The following NALF1 variants were observed in gnomAD, a reference collection of about 807,000 sequenced individuals.
NALF1 encodes the protein NALCN channel auxiliary factor 1.
In NALF1, 3 loss-of-function variants were observed where a neutral mutation model predicts 48.4. The observed-to-expected ratio is 0.06, with a 90% CI of 0.03 to 0.16. The LOEUF is 0.16. NALF1 is among the 10% of genes least tolerant of loss of function. The probability of loss-of-function intolerance (pLI) is 1.00; values close to 1 mark genes in which losing one functional copy is unlikely to be tolerated. For missense variants in NALF1, 526 were observed against 571.5 expected, an observed-to-expected ratio of 0.92 and a Z score of 0.81; for synonymous variants, 262 against 245.7, an observed-to-expected ratio of 1.07 and a Z score of -0.62.
chr13:107,370,925 T>C (rs1006761423), intron 1 of NALF1, among the ~76,000 whole-genome samples: 1 of 152,152 alleles, frequency 6.6e-6, no homozygotes, highest in African/African-American at 2.4e-5. Context: ...TTGCTCATTC[T>C]CAAGAGGACA....
At chr13:107,268,809 T>C (rs569104793) in intron 1 of NALF1, among the ~76,000 whole-genome samples, 1 of 152,326 alleles carries the variant, frequency 6.6e-6, no homozygotes, top group South Asian at 2.1e-4. Context: ...GAATAAAAGT[T>C]TCATTTGCCA....
At chr13:107,445,525 T>C (rs1210315971) in intron 1 of NALF1, among the ~76,000 whole-genome samples, 1 of 152,202 alleles carries the variant, frequency 6.6e-6, no homozygotes, top group African/African-American at 2.4e-5. Context: ...ATTAAAACCA[T>C]GCGTGTACAG....
intron 1 of NALF1, among the ~76,000 whole-genome samples, chr13:107,354,926 C>T (rs903900035): frequency 2.0e-5 from 3 of 152,148 alleles, no homozygotes; most frequent in East Asian, 1.9e-4. Flanking sequence ...AGAATGAGAA[C>T]GTGATCACCC....
At chr13:107,344,052 T>G (rs1882731163) in intron 1 of NALF1, among the ~76,000 whole-genome samples, 1 of 151,998 alleles carries the variant, frequency 6.6e-6, no homozygotes. Flanking sequence ...AATAAGCGAC[T>G]ACAGAACAAC....
chr13:107,637,011 AT>A (rs1178748558), intron 1 of NALF1, among the ~76,000 whole-genome samples: 8 of 151,612 alleles, frequency 5.3e-5, no homozygotes, highest in Non-Finnish European at 1.2e-4. Flanking sequence ...TATCATGTAA[AT>A]ATTATCACTG....
intron 1 of NALF1, among the ~76,000 whole-genome samples, chr13:107,524,758 T>C (rs1424532283): frequency 6.6e-6 from 1 of 152,104 alleles, no homozygotes; most frequent in East Asian, 1.9e-4. Context: ...TACTCGACCT[T>C]GGCAATTTCA....
chr13:107,606,702 TTTG>T (rs1243822632), intron 1 of NALF1, among the ~76,000 whole-genome samples: 1 of 152,130 alleles, frequency 6.6e-6, no homozygotes, highest in Non-Finnish European at 1.5e-5. Context: ...TTCAAAAATA[TTTG>T]TTGACAAATT....
intron 1 of NALF1, among the ~76,000 whole-genome samples, chr13:107,822,624 C>A (rs1204302849): frequency 6.6e-6 from 1 of 152,148 alleles, no homozygotes; most frequent in Non-Finnish European, 1.5e-5. Flanking sequence ...CTCAGCATTG[C>A]AGTTGATAAA....
intron 1 of NALF1, among the ~76,000 whole-genome samples, chr13:107,301,956 C>T (rs1198321751): frequency 1.3e-5 from 2 of 152,154 alleles, no homozygotes; most frequent in Non-Finnish European, 2.9e-5. Context: ...TTGTCCCTTT[C>T]AAAACTCATG....
At chr13:107,562,048 A>G (rs1176082750) in intron 1 of NALF1, among the ~76,000 whole-genome samples, 2 of 152,210 alleles carry the variant, frequency 1.3e-5, no homozygotes, top group Non-Finnish European at 2.9e-5. Context: ...AATGTATAAC[A>G]ATGGTTGCCT....
intron 1 of NALF1, among the ~76,000 whole-genome samples, chr13:107,232,814 C>T (rs1880255556): frequency 6.6e-6 from 1 of 152,132 alleles, no homozygotes; most frequent in Non-Finnish European, 1.5e-5. Context: ...CGAGCACTCA[C>T]TCTTTTTCAG....
chr13:107,230,248 A>G (rs1253890424), intron 1 of NALF1, among the ~76,000 whole-genome samples: 1 of 152,222 alleles, frequency 6.6e-6, no homozygotes, highest in Non-Finnish European at 1.5e-5. Context: ...CATATGGTTT[A>G]ATCTAGTAAA....
chr13:107,699,920 A>G (rs1425517936), intron 1 of NALF1, among the ~76,000 whole-genome samples: 1 of 152,114 alleles, frequency 6.6e-6, no homozygotes, highest in Non-Finnish European at 1.5e-5. Flanking sequence ...GAATCAAAGC[A>G]AAAATATTAA....
intron 1 of NALF1, among the ~76,000 whole-genome samples, chr13:107,337,043 C>CAAAAAAAAAAAAAAAAAAAAA (rs60969406): frequency 8.7e-6 from 1 of 114,830 alleles, no homozygotes; most frequent in Non-Finnish European, 1.7e-5. Flanking sequence ...TTTCATTCCC[C>CAAAAAAAAAAAAAAAAAAAAA]AAAAAAAAAA....
chr13:107,668,423 C>T (rs919261598), intron 1 of NALF1, among the ~76,000 whole-genome samples: 1 of 151,852 alleles, frequency 6.6e-6, no homozygotes, highest in Non-Finnish European at 1.5e-5. Context: ...GCTGGTGGTG[C>T]CTCTTATCTT....
At chr13:107,851,812 T>A (rs1203126482) in intron 1 of NALF1, among the ~76,000 whole-genome samples, 1 of 143,514 alleles carries the variant, frequency 7.0e-6, no homozygotes, top group Non-Finnish European at 1.5e-5. Context: ...TTTCTTTTTT[T>A]TTTTTTTTTT....
intron 1 of NALF1, among the ~76,000 whole-genome samples, chr13:107,483,854 C>T (rs1045043349): frequency 8.6e-5 from 13 of 151,380 alleles, no homozygotes; most frequent in African/African-American, 2.9e-4. Flanking sequence ...AATATAAATG[C>T]TACATAAATA....
At chr13:107,418,330 G>C (rs978321602) in intron 1 of NALF1, among the ~76,000 whole-genome samples, 1 of 152,028 alleles carries the variant, frequency 6.6e-6, no homozygotes, top group Admixed American at 6.6e-5. Context: ...CCTTAGTTCT[G>C]ATGAAAAGGC....
intron 1 of NALF1, among the ~76,000 whole-genome samples, chr13:107,769,231 A>G (rs2138568338): frequency 6.7e-6 from 1 of 149,070 alleles, no homozygotes; most frequent in South Asian, 2.2e-4. Flanking sequence ...CTATAAAGAC[A>G]CATGCACACG....
Sources: allele counts gnomAD v4.1 joint callset (sites outside exome capture counted in the v4.1 genomes callset), GRCh38; gene constraint gnomAD v4.1.1; transcripts MANE v1.5; gene names NCBI Gene and HGNC (gene_info 2026-07-23, HGNC 2026-07-21).